Variants in TMEM116 observed in about 807,000 individuals in gnomAD.
The protein encoded by TMEM116 is transmembrane protein 116.
Under a neutral mutation model 44.3 loss-of-function variants are expected in TMEM116, and 38 were observed. The observed-to-expected ratio is 0.86, with a 90% CI of 0.66 to 1.12. The LOEUF (loss-of-function observed/expected upper bound fraction) is 1.12. TMEM116 is among the 50% of genes most tolerant of loss of function. The pLI, the probability that TMEM116 is intolerant of heterozygous loss-of-function variation, is 0.00. For missense variants in TMEM116, 354 were observed against 401.7 expected, an observed-to-expected ratio of 0.88 and a Z score of 1.01; for synonymous variants, 132 against 144.8, an observed-to-expected ratio of 0.91 and a Z score of 0.64.
chr12:111,977,998 A>G (rs577921210), intron 4 of TMEM116, among the ~76,000 whole-genome samples: 38 of 152,126 alleles, frequency 2.5e-4, no homozygotes, highest in African/African-American at 8.9e-4. Flanking sequence ...GATAAAGAAC[A>G]GATACAACAA....
chr12:111,949,448 G>T (rs1257135097), intron 4 of TMEM116, among the ~76,000 whole-genome samples: 1 of 152,106 alleles, frequency 6.6e-6, no homozygotes, highest in Non-Finnish European at 1.5e-5. Flanking sequence ...AAAGTCTAAA[G>T]TCTGCCTTCA....
chr12:111,958,464 C>T (rs1180131853), intron 4 of TMEM116, among the ~76,000 whole-genome samples: 4 of 151,940 alleles, frequency 2.6e-5, no homozygotes, highest in Non-Finnish European at 4.4e-5. Flanking sequence ...AACTCCTTGC[C>T]AGCAAGGGAA....
At chr12:111,989,992 A>C (rs80104974) in intron 4 of TMEM116, among the ~76,000 whole-genome samples, 14,010 of 152,232 alleles carry the variant, frequency 0.092, 712 homozygotes, top group East Asian at 0.23. Flanking sequence ...GCAGTGGTTC[A>C]CGCCTGTAAT....
At chr12:111,950,740 C>A (rs2073672327) in intron 4 of TMEM116, among the ~76,000 whole-genome samples, 2 of 152,064 alleles carry the variant, frequency 1.3e-5, no homozygotes, top group Admixed American at 1.3e-4. Flanking sequence ...TGGAAGACAA[C>A]CTAAGTAATA....
At chr12:111,991,595 C>G in intron 4 of TMEM116, 163 bp downstream of exon 4, 1 of 510,584 alleles carries the variant, frequency 2.0e-6, no homozygotes, top group Non-Finnish European at 2.9e-6. Context: ...TCAAAATATT[C>G]TATAATATAG....
At chr12:112,009,484 G>A (rs76319060) in intron 1 of TMEM116, among the ~76,000 whole-genome samples, 2,148 of 144,938 alleles carry the variant, frequency 0.015, 59 homozygotes, top group African/African-American at 0.052. Context: ...CAAAAGATGT[G>A]TTTGCAAACA....
chr12:111,997,125 G>A (rs777297235), intron 3 of TMEM116, among the ~76,000 whole-genome samples: 5 of 152,194 alleles, frequency 3.3e-5, no homozygotes, highest in Non-Finnish European at 7.3e-5. Context: ...ATAGGTATAT[G>A]TCTGGAAGTA....
chr12:111,954,197 G>T (rs2073932970), intron 4 of TMEM116, among the ~76,000 whole-genome samples: 1 of 152,002 alleles, frequency 6.6e-6, no homozygotes, highest in Non-Finnish European at 1.5e-5. Context: ...TAAAATTTAG[G>T]CCTTAGAGTT....
chr12:111,938,438 C>T (rs887028914), intron 5 of TMEM116, among the ~76,000 whole-genome samples: 2 of 152,114 alleles, frequency 1.3e-5, no homozygotes, highest in African/African-American at 4.8e-5. Flanking sequence ...ACAACAACAA[C>T]AACAACAAAG....
chr12:112,003,819 T>G lies in TMEM116; in HGVS notation c.59A>C (p.Asn20Thr). ...SSLIAYAVFH[N>T]IQKSPEIRPL... ...ACTCACCTCTGGAGATTTCTGTATA[T>G]TATGGAATACAGCATAGGCAATAAG... is the stretch of plus-strand genomic sequence containing the variant. The change falls in exon 3 of 11, where the codon AAT becomes ACT. Residue 20 changes from asparagine to threonine, a missense_variant. Physicochemically the swap from Asn to Thr is moderately conservative, Grantham distance 65. Coordinates refer to ENST00000552374, the MANE Select transcript of TMEM116 (RefSeq NM_001193531.2). 6.6e-7 allele frequency: 1 copy of G among 1,513,298 alleles called. No homozygotes were observed. Among genetic ancestry groups the G allele is most frequent in the Non-Finnish European group, 8.8e-7 (1 of 1,140,160 alleles). 93.7% of individuals were successfully genotyped at this position (1,513,298 alleles called of 1,614,324 possible). A position where few individuals can be genotyped will look rare whatever the true frequency, so the allele number is the denominator to read the frequency against.
intron 4 of TMEM116, among the ~76,000 whole-genome samples, chr12:111,947,822 T>C (rs2073404931): frequency 6.6e-6 from 1 of 152,126 alleles, no homozygotes; most frequent in Admixed American, 6.5e-5. Context: ...AATGCAAAAA[T>C]TAATAAATCT....
intron 3 of TMEM116, among the ~76,000 whole-genome samples, chr12:111,999,933 A>G (rs1473603090): frequency 6.6e-6 from 1 of 152,210 alleles, no homozygotes; most frequent in Non-Finnish European, 1.5e-5. Context: ...GTGACTGTTT[A>G]GGACTGCTCT....
chr12:111,982,957 A>C (rs1322307824), intron 4 of TMEM116, among the ~76,000 whole-genome samples: 1 of 152,204 alleles, frequency 6.6e-6, no homozygotes, highest in African/African-American at 2.4e-5. Context: ...AAGATACTTC[A>C]GTGACTACAT....
intron 1 of TMEM116, chr12:112,010,769 TGGTCCTCTGGC>T (rs1387750599): frequency 2.0e-5 from 3 of 152,324 alleles, no homozygotes; most frequent in African/African-American, 7.2e-5. Context: ...TCTGCCCTCT[TGGTCCTCTGGC>T]AGTCCTCTGC....
At chr12:111,951,667 T>C (rs1041163125) in intron 4 of TMEM116, among the ~76,000 whole-genome samples, 2 of 151,910 alleles carry the variant, frequency 1.3e-5, no homozygotes, top group Non-Finnish European at 2.9e-5. Context: ...TATCAGAGAA[T>C]GGAGGGTGGA....
At chr12:111,963,258 G>A (rs916355664) in intron 4 of TMEM116, among the ~76,000 whole-genome samples, 10 of 152,038 alleles carry the variant, frequency 6.6e-5, no homozygotes, top group South Asian at 2.1e-4. Flanking sequence ...TGTGGAAGAC[G>A]GTGTGGCAAT....
At chr12:111,993,219 CT>C in intron 3 of TMEM116, 6 of 403,174 alleles carry the variant, frequency 1.5e-5, no homozygotes, top group Admixed American at 5.7e-5. Flanking sequence ...AGGTTGTGGT[CT>C]GACACACACT....
At chr12:111,979,077 G>A (rs1368357685) in intron 4 of TMEM116, among the ~76,000 whole-genome samples, 1 of 152,028 alleles carries the variant, frequency 6.6e-6, no homozygotes, top group Non-Finnish European at 1.5e-5. Flanking sequence ...GATAACATAG[G>A]AGAAAATCTA....
chr12:111,968,549 ATGACCTAT>A, intron 4 of TMEM116, among the ~76,000 whole-genome samples: 1 of 152,342 alleles, frequency 6.6e-6, no homozygotes, highest in African/African-American at 2.4e-5. Context: ...AAAGGAAAAC[ATGACCTAT>A]ACTAAGGAGA....
Sources: allele counts gnomAD v4.1 joint callset (sites outside exome capture counted in the v4.1 genomes callset), GRCh38; gene constraint gnomAD v4.1.1; transcripts MANE v1.5; gene names NCBI Gene and HGNC (gene_info 2026-07-23, HGNC 2026-07-21).